CRACD: variants seen among roughly 807,000 people sequenced by gnomAD.
CRACD encodes the protein capping protein inhibiting regulator of actin dynamics.
In CRACD, 56 loss-of-function variants were observed where a neutral mutation model predicts 106.8. The observed-to-expected ratio is 0.52, with a 90% confidence interval of 0.42 to 0.66. The LOEUF is 0.66. Ranked by LOEUF, CRACD falls within the 30% of genes least tolerant of loss-of-function variation. The pLI is 0.00. For missense variants in CRACD, 1,730 were observed against 1,623.2 expected (o/e 1.07, Z -1.13); for synonymous variants, 754 against 670.8 (o/e 1.12, Z -1.92).
intron 3 of CRACD, among the ~76,000 whole-genome samples, chr4:56,274,825 C>T (rs980468959): frequency 5.9e-5 from 9 of 152,116 alleles, no homozygotes; most frequent in Non-Finnish European, 7.3e-5. Flanking sequence ...TAAAGCCACA[C>T]GCATGCAAAT....
Position 56,307,751 on chromosome 4 carries a change from T to C in CRACD, c.285+52T>C, listed in dbSNP as rs149325857. The C allele has an allele frequency of 1.5e-3, 2,302 of 1,585,196 alleles. 42 individuals are homozygous for C. The African/African-American group carries it at 0.028, about 19-fold the overall frequency. On this transcript the variant is annotated intron_variant, in intron 5 of 10. Coordinates refer to ENST00000682029, the MANE Select transcript of CRACD (RefSeq NM_001393381.1). ...ATGGCTCATAAACCAGGGCAGGACA[T>C]TGGGCCTCCAGTAACCCTGGGGTCT...
intron 2 of CRACD, among the ~76,000 whole-genome samples, chr4:56,239,128 A>G (rs1740195622): frequency 6.6e-6 from 1 of 152,104 alleles, no homozygotes; most frequent in Non-Finnish European, 1.5e-5. Context: ...CTGCGTCTCT[A>G]CTAAAACTAC....
chr4:56,137,430 C>T (rs182999341), intron 1 of CRACD, among the ~76,000 whole-genome samples: 11 of 152,144 alleles, frequency 7.2e-5, no homozygotes, highest in African/African-American at 2.7e-4. Flanking sequence ...GGATTTATAA[C>T]CAAAAGTCTT....
At chr4:56,080,279 C>T (rs185168765) in intron 1 of CRACD, among the ~76,000 whole-genome samples, 75 of 152,206 alleles carry the variant, frequency 4.9e-4, no homozygotes, top group Admixed American at 2.6e-3. Flanking sequence ...GTTTGCTTAC[C>T]TCTGGAAAGA....
chr4:56,310,337 C>T (rs1054249388), intron 5 of CRACD, among the ~76,000 whole-genome samples: 3 of 152,200 alleles, frequency 2.0e-5, no homozygotes, highest in Non-Finnish European at 2.9e-5. Flanking sequence ...GTATGAGACA[C>T]AGCCCTGCAC....
At chr4:56,051,080 A>G (rs960517029) in intron 1 of CRACD, among the ~76,000 whole-genome samples, 12 of 152,214 alleles carry the variant, frequency 7.9e-5, no homozygotes, top group Non-Finnish European at 1.5e-4. Flanking sequence ...CCAATTTCAG[A>G]CCAATTAATT....
chr4:56,313,415 C>T (rs763580859), intron 7 of CRACD, 36 bp downstream of exon 7: 1 of 1,577,976 alleles, frequency 6.3e-7, no homozygotes. Context: ...CAGGCAGGTG[C>T]CCTTGCCTAC....
At chr4:56,142,414 T>C (rs1735235552) in intron 1 of CRACD, among the ~76,000 whole-genome samples, 1 of 152,218 alleles carries the variant, frequency 6.6e-6, no homozygotes, top group East Asian at 1.9e-4. Context: ...TTGTGCCTTT[T>C]TGTACTGTCC....
chr4:56,319,681 T>G (rs1745935382), intron 8 of CRACD, among the ~76,000 whole-genome samples: 1 of 152,214 alleles, frequency 6.6e-6, no homozygotes, highest in Non-Finnish European at 1.5e-5. Flanking sequence ...TTCTAATCTT[T>G]CTTTCTTAAC....
chr4:56,129,930 A>G (rs1577681547), intron 1 of CRACD, among the ~76,000 whole-genome samples: 1 of 152,166 alleles, frequency 6.6e-6, no homozygotes, highest in East Asian at 1.9e-4. Flanking sequence ...AAGATAATGG[A>G]TTTCAGCAGA....
At chr4:56,273,152 G>C (rs1410505129) in intron 3 of CRACD, among the ~76,000 whole-genome samples, 1 of 152,096 alleles carries the variant, frequency 6.6e-6, no homozygotes, top group African/African-American at 2.4e-5. Context: ...TTTACAAATA[G>C]AAAGGTTGTC....
chr4:56,305,629 G>A (rs545090092), intron 4 of CRACD, among the ~76,000 whole-genome samples: 15 of 152,300 alleles, frequency 9.8e-5, no homozygotes, highest in African/African-American at 3.6e-4. Flanking sequence ...TGCTGACGCT[G>A]TACTTCCCTT....
chr4:56,059,105 A>C (rs73240511), intron 1 of CRACD, among the ~76,000 whole-genome samples: 102 of 152,302 alleles, frequency 6.7e-4, no homozygotes, highest in Non-Finnish European at 1.1e-3. Context: ...ACCTTCAAGC[A>C]GGCAAAATAA....
Position 56,182,211 on chromosome 4 carries a change from T to C in CRACD, c.-189+2781T>C, listed in dbSNP as rs114197452. On this transcript the variant is annotated intron_variant, in intron 2 of 10. Transcript: ENST00000682029. ...GCCTGGGCAACGTGGCAAAATCCTG[T>C]CTCTATAAAAATCACAGAAAATTAG... Among the ~76,000 whole-genome samples the C allele has an allele frequency of 4.2e-3, 638 of 151,918 alleles. 2 individuals are homozygous for C. Among genetic ancestry groups the C allele is most frequent in the Non-Finnish European group, 7.3e-3 (496 of 67,958 alleles).
At chr4:56,103,984 G>A (rs1733862078) in intron 1 of CRACD, among the ~76,000 whole-genome samples, 1 of 152,196 alleles carries the variant, frequency 6.6e-6, no homozygotes, top group African/African-American at 2.4e-5. Flanking sequence ...ATGTTGATCA[G>A]GATGGTCTCA....
chr4:56,123,396 T>C lies in CRACD; in HGVS notation c.-335-55888T>C, dbSNP rs564395808. Among the ~76,000 whole-genome samples, 6 of 152,360 alleles carry C rather than the reference T, an allele frequency of 3.9e-5. No homozygotes were observed. The East Asian group carries it at 1.2e-3, about 29-fold the overall frequency. ...GGCTTGCAGAAGGCTGCCTTCTCTC[T>C]GTATCCTTATAAGGCAGGGAGAGAA... On this transcript the variant is annotated intron_variant, in intron 1 of 10. Transcript: ENST00000682029.
At chr4:56,238,234 C>A (rs562752067) in intron 2 of CRACD, among the ~76,000 whole-genome samples, 1 of 152,312 alleles carries the variant, frequency 6.6e-6, no homozygotes, top group African/African-American at 2.4e-5. Context: ...CTTCTGAAGG[C>A]TCTTTCACTC....
At chr4:56,049,641 T>C (rs1731801642) in intron 1 of CRACD, among the ~76,000 whole-genome samples, 1 of 152,160 alleles carries the variant, frequency 6.6e-6, no homozygotes, top group South Asian at 2.1e-4. Context: ...CCCAGGTCCC[T>C]GGCTCGGTCC....
intron 2 of CRACD, among the ~76,000 whole-genome samples, chr4:56,244,688 A>G (rs144870500): frequency 2.6e-5 from 4 of 152,248 alleles, no homozygotes; most frequent in African/African-American, 9.6e-5. Context: ...ATACCCCCAT[A>G]CCACCCTACA....
Sources: gnomAD v4.1 joint callset for allele counts (sites outside exome capture counted in the v4.1 genomes callset) on GRCh38, gnomAD v4.1.1 for gene constraint, MANE v1.5 for transcripts, NCBI Gene and HGNC (gene_info 2026-07-23, HGNC 2026-07-21) for gene names.